Variants in NTM observed in about 807,000 individuals in gnomAD.
NTM encodes neurotrimin, also known as IgLON family member 2.
In NTM, 13 loss-of-function variants were observed where a neutral mutation model predicts 42.1. The observed-to-expected ratio is 0.31, with a 90% CI of 0.20 to 0.49. NTM has a LOEUF of 0.49. NTM is among the 20% of genes least tolerant of loss of function. The probability of loss-of-function intolerance (pLI) is 0.99; values close to 1 mark genes in which losing one functional copy is unlikely to be tolerated. For missense variants in NTM, 373 were observed against 452.8 expected (o/e 0.82, Z 1.60); for synonymous variants, 187 against 179.2 (o/e 1.04, Z -0.35).
At chr11:131,515,632 G>A (rs2048806068) in intron 1 of NTM, among the ~76,000 whole-genome samples, 1 of 152,190 alleles carries the variant, frequency 6.6e-6, no homozygotes, top group Admixed American at 6.5e-5. Flanking sequence ...CATTATTTTA[G>A]GGATGTGTGA....
intron 1 of NTM, chr11:131,536,753 C>T (rs2052302008): frequency 6.6e-6 from 1 of 152,162 alleles, no homozygotes; most frequent in Non-Finnish European, 1.5e-5. Context: ...GACAGAGGCA[C>T]ACGTCTGGAT....
At chr11:132,304,125 G>C (rs2094979083) in intron 4 of NTM, among the ~76,000 whole-genome samples, 1 of 152,176 alleles carries the variant, frequency 6.6e-6, no homozygotes, top group African/African-American at 2.4e-5. Flanking sequence ...ACTTTGTGGA[G>C]GGCTTTGATA....
chr11:131,481,283 T>C (rs942572182), intron 1 of NTM, among the ~76,000 whole-genome samples: 3 of 152,208 alleles, frequency 2.0e-5, no homozygotes, highest in Non-Finnish European at 4.4e-5. Context: ...GGAAAAGTCC[T>C]AGAAGATCCC....
At chr11:132,240,577 C>A (rs1324499636) in intron 4 of NTM, among the ~76,000 whole-genome samples, 1 of 152,212 alleles carries the variant, frequency 6.6e-6, no homozygotes, top group Non-Finnish European at 1.5e-5. Context: ...GTGGAACCCT[C>A]AGCTTAGCTC....
intron 1 of NTM, among the ~76,000 whole-genome samples, chr11:131,412,804 G>A (rs1269213185): frequency 9.4e-6 from 1 of 106,794 alleles, no homozygotes; most frequent in Non-Finnish European, 2.3e-5. Context: ...TTCTTACGGG[G>A]CGTGTGTGTG....
chr11:132,247,718 A>C (rs1032099878), intron 4 of NTM, among the ~76,000 whole-genome samples: 6 of 151,930 alleles, frequency 3.9e-5, no homozygotes, highest in Non-Finnish European at 8.8e-5. Context: ...GATCTAGGAG[A>C]CCACCCTCTG....
intron 1 of NTM, among the ~76,000 whole-genome samples, chr11:131,753,638 A>G (rs1417819895): frequency 6.7e-6 from 1 of 150,374 alleles, no homozygotes; most frequent in African/African-American, 2.5e-5. Context: ...AAACTATCCC[A>G]AGAACAAAAA....
intron 2 of NTM, among the ~76,000 whole-genome samples, chr11:132,060,460 A>AC (rs1566054692): frequency 7.5e-6 from 1 of 132,606 alleles, no homozygotes; most frequent in African/African-American, 2.5e-5. Flanking sequence ...ATTTAATGGA[A>AC]CATAGCAGTG....
At chr11:132,111,780 A>G (rs1422441942) in intron 2 of NTM, among the ~76,000 whole-genome samples, 1 of 152,274 alleles carries the variant, frequency 6.6e-6, no homozygotes, top group Non-Finnish European at 1.5e-5. Flanking sequence ...TAGGTAAAAT[A>G]GAATACGTTT....
intron 1 of NTM, among the ~76,000 whole-genome samples, chr11:131,799,694 A>G (rs1369887651): frequency 1.3e-5 from 2 of 152,186 alleles, no homozygotes; most frequent in African/African-American, 4.8e-5. Flanking sequence ...AGTAATGTCA[A>G]GTAGACTGTC....
At chr11:132,066,460 T>C (rs1566067523) in intron 2 of NTM, among the ~76,000 whole-genome samples, 1 of 152,226 alleles carries the variant, frequency 6.6e-6, no homozygotes, top group East Asian at 1.9e-4. Context: ...TGTGTTAGTT[T>C]CCCATGCTTG....
intron 1 of NTM, among the ~76,000 whole-genome samples, chr11:131,502,046 A>T (rs2046899801): frequency 6.6e-6 from 1 of 152,160 alleles, no homozygotes; most frequent in Non-Finnish European, 1.5e-5. Flanking sequence ...TGGAAACATC[A>T]GCCTGTAGAT....
intron 1 of NTM, among the ~76,000 whole-genome samples, chr11:131,602,403 A>G (rs940025429): frequency 7.2e-5 from 11 of 152,164 alleles, no homozygotes; most frequent in African/African-American, 2.7e-4. Flanking sequence ...TAAGTCGAAA[A>G]TATCCTTCTC....
rs145420723 is a variant in NTM at position 131,824,978 on chromosome 11, C to T, written c.83-86586C>T. The stretch of plus-strand genomic sequence containing the variant: ...CTAGGGCTGCTGTAGTAAAGTATTG[C>T]GAAATGGATGGACTACAACAACAGA... On this transcript the variant is annotated intron_variant, in intron 1 of 8. Coordinates refer to ENST00000683400, the MANE Select transcript of NTM (RefSeq NM_001352005.2). Among the ~76,000 whole-genome samples, 48 of 152,170 alleles carry T rather than the reference C, an allele frequency of 3.2e-4. 1 individual carries two copies. Among genetic ancestry groups the T allele is most frequent in the African/African-American group, 7.9e-4 (33 of 41,522 alleles).
intron 4 of NTM, among the ~76,000 whole-genome samples, chr11:132,235,125 G>A (rs1407958480): frequency 1.3e-5 from 2 of 152,186 alleles, no homozygotes; most frequent in Non-Finnish European, 2.9e-5. Flanking sequence ...ATGAATTCTG[G>A]AATGAAGCCC....
intron 2 of NTM, among the ~76,000 whole-genome samples, chr11:131,996,710 C>T (rs2068104143): frequency 6.6e-6 from 1 of 152,144 alleles, no homozygotes; most frequent in African/African-American, 2.4e-5. Flanking sequence ...ACCCGCCACT[C>T]TTCAAGGTTC....
At chr11:131,723,128 CA>C (rs2078563536) in intron 1 of NTM, among the ~76,000 whole-genome samples, 1 of 152,224 alleles carries the variant, frequency 6.6e-6, no homozygotes, top group South Asian at 2.1e-4. Flanking sequence ...TTCCACTACA[CA>C]ATGGCAATAC....
chr11:131,391,403 C>G, intron 1 of NTM, among the ~76,000 whole-genome samples: 1 of 152,120 alleles, frequency 6.6e-6, no homozygotes, highest in East Asian at 1.9e-4. Context: ...GTTAATTTCC[C>G]ACCTGAGTAC....
At chr11:132,292,794 A>AC (rs1267193559) in intron 4 of NTM, among the ~76,000 whole-genome samples, 6 of 150,230 alleles carry the variant, frequency 4.0e-5, no homozygotes, top group Non-Finnish European at 8.9e-5. Flanking sequence ...AAGTAAAAAA[A>AC]AAAAAAAAAA....
Sources: gnomAD v4.1 joint callset for allele counts (sites outside exome capture counted in the v4.1 genomes callset) on GRCh38, gnomAD v4.1.1 for gene constraint, MANE v1.5 for transcripts, NCBI Gene and HGNC (gene_info 2026-07-23, HGNC 2026-07-21) for gene names.